The following LDB2 variants were observed in gnomAD, a reference collection of about 807,000 sequenced individuals.
LDB2 encodes the protein LIM domain binding 2, also known as LIM domain-binding protein 2.
In LDB2, 12 loss-of-function variants were observed where a neutral mutation model predicts 44.3. The ratio of observed to expected loss-of-function variants is 0.27; its 90% CI spans 0.17 to 0.44. The LOEUF (loss-of-function observed/expected upper bound fraction) is 0.44. Among genes scored for constraint, LDB2 ranks in the 20% least tolerant of loss-of-function variants. The probability of loss-of-function intolerance (pLI) is 1.00; values close to 1 mark genes in which losing one functional copy is unlikely to be tolerated. For synonymous variants in LDB2, 164 were observed against 174.8 expected (o/e 0.94, Z 0.49); for missense variants, 344 against 473.5 (o/e 0.73, Z 2.54).
chr4:16,521,243 C>A (rs186589514), intron 5 of LDB2, among the ~76,000 whole-genome samples: 1 of 152,114 alleles, frequency 6.6e-6, no homozygotes, highest in Non-Finnish European at 1.5e-5. Context: ...TAGGCAGGGC[C>A]GAGCTCCCTC....
At chr4:16,678,159 A>G (rs904007128) in intron 2 of LDB2, among the ~76,000 whole-genome samples, 2 of 152,210 alleles carry the variant, frequency 1.3e-5, no homozygotes, top group African/African-American at 4.8e-5. Flanking sequence ...CCTAAAAAGG[A>G]ATGGCAGTGG....
intron 2 of LDB2, among the ~76,000 whole-genome samples, chr4:16,683,469 A>G (rs1375142144): frequency 6.6e-6 from 1 of 152,220 alleles, no homozygotes; most frequent in Non-Finnish European, 1.5e-5. Context: ...ACCATTTATA[A>G]AACTTATCTG....
chr4:16,726,991 T>G (rs1339165554), intron 2 of LDB2, among the ~76,000 whole-genome samples: 1 of 152,270 alleles, frequency 6.6e-6, no homozygotes, highest in South Asian at 2.1e-4. Context: ...TTAACATGGG[T>G]CGGTTTGCTT....
At chr4:16,891,391 C>T (rs1321028094) in intron 1 of LDB2, among the ~76,000 whole-genome samples, 3 of 145,280 alleles carry the variant, frequency 2.1e-5, no homozygotes. Context: ...CGGCTCACTG[C>T]AGCCTCCGTC....
At chr4:16,800,587 A>G (rs748791326) in intron 1 of LDB2, among the ~76,000 whole-genome samples, 1 of 152,252 alleles carries the variant, frequency 6.6e-6, no homozygotes, top group Non-Finnish European at 1.5e-5. Context: ...GTCAAAGATG[A>G]AGACTGTGCC....
intron 5 of LDB2, among the ~76,000 whole-genome samples, chr4:16,559,663 A>G (rs1025869778): frequency 1.4e-4 from 21 of 152,168 alleles, no homozygotes; most frequent in African/African-American, 4.8e-4. Flanking sequence ...TCAACGAGAC[A>G]GAAAGTCAAC....
At chr4:16,787,994 G>A (rs1233439376) in intron 1 of LDB2, among the ~76,000 whole-genome samples, 3 of 152,092 alleles carry the variant, frequency 2.0e-5, no homozygotes, top group African/African-American at 2.4e-5. Context: ...CTTCCTATAG[G>A]AATAAATGAA....
chr4:16,631,232 G>A (rs920450904), intron 2 of LDB2, among the ~76,000 whole-genome samples: 8 of 152,106 alleles, frequency 5.3e-5, no homozygotes, highest in Non-Finnish European at 4.4e-5. Context: ...ACAACAAACT[G>A]TCTCTCAGAC....
rs551859710 is a variant in LDB2, at chr4:16,734,280, A to G, written c.235+24878T>C. Among the ~76,000 whole-genome samples the G allele has an allele frequency of 7.2e-5, 11 of 152,342 alleles. No individual in the cohort carries two copies. The South Asian group carries it at 2.3e-3, about 32-fold the overall frequency. On this transcript the variant is annotated intron_variant, in intron 2 of 7. Transcript: ENST00000304523. ...GTTTGAAAACCCACTCACTGGGGTA[A>G]TGCATCCAACAACTATGTATTTAAT...
intron 2 of LDB2, among the ~76,000 whole-genome samples, chr4:16,596,090 T>G (rs892636156): frequency 5.3e-5 from 8 of 152,098 alleles, no homozygotes; most frequent in African/African-American, 1.9e-4. Context: ...CGTCCAGTCA[T>G]CTCTCTAGAT....
intron 1 of LDB2, among the ~76,000 whole-genome samples, chr4:16,889,903 T>C (rs1722863003): frequency 6.6e-6 from 1 of 152,196 alleles, no homozygotes; most frequent in Non-Finnish European, 1.5e-5. Flanking sequence ...GAAGAGAACA[T>C]TTAAGTTGCT....
intron 2 of LDB2, among the ~76,000 whole-genome samples, chr4:16,626,315 C>G (rs1730272225): frequency 6.6e-6 from 1 of 152,172 alleles, no homozygotes; most frequent in Admixed American, 6.5e-5. Context: ...TTACCTTTAT[C>G]ACCAATTGAA....
At chr4:16,884,840 A>G (rs1721170707) in intron 1 of LDB2, among the ~76,000 whole-genome samples, 1 of 152,160 alleles carries the variant, frequency 6.6e-6, no homozygotes, top group Admixed American at 6.5e-5. Flanking sequence ...TGAGAACCCA[A>G]ACACATAGAT....
At chr4:16,651,252 G>C (rs1421307063) in intron 2 of LDB2, 1 of 152,190 alleles carries the variant, frequency 6.6e-6, no homozygotes, top group East Asian at 1.9e-4. Context: ...AAGGAGGCTA[G>C]TGTTAGAAGC....
chr4:16,810,477 G>A (rs890535445), intron 1 of LDB2, among the ~76,000 whole-genome samples: 3 of 152,136 alleles, frequency 2.0e-5, no homozygotes, highest in Non-Finnish European at 4.4e-5. Flanking sequence ...GGGAAGATAA[G>A]GGTAGTTGTG....
At chr4:16,782,581 A>T (rs1000896408) in intron 1 of LDB2, among the ~76,000 whole-genome samples, 1 of 152,028 alleles carries the variant, frequency 6.6e-6, no homozygotes, top group African/African-American at 2.4e-5. Flanking sequence ...CAATCTCCTG[A>T]CCTTGTGATC....
chr4:16,587,017 G>A (rs1202937740), intron 4 of LDB2, among the ~76,000 whole-genome samples: 1 of 152,212 alleles, frequency 6.6e-6, no homozygotes, highest in African/African-American at 2.4e-5. Context: ...GAGCATGTCA[G>A]TTTCATGTCA....
intron 1 of LDB2, among the ~76,000 whole-genome samples, chr4:16,852,856 T>C (rs1045422226): frequency 6.6e-6 from 1 of 152,180 alleles, no homozygotes; most frequent in African/African-American, 2.4e-5. Flanking sequence ...TACTGTACCC[T>C]GGATCTCATA....
rs564206212 is a variant in LDB2, at chr4:16,869,909, C to T, written c.132+28445G>A. ...AATGTGGTGATCCAAAAACAACACT[C>T]AGGATGTTCCTTGAGCCTGTTTTCC... On this transcript the variant is annotated intron_variant, in intron 1 of 7. Transcript: ENST00000304523. Among the ~76,000 whole-genome samples the T allele has an allele frequency of 1.7e-4, 26 of 152,318 alleles. No individual in the cohort carries two copies. The South Asian group carries it at 5.0e-3, about 29-fold the overall frequency.
Sources: gnomAD v4.1 joint callset for allele counts (sites outside exome capture counted in the v4.1 genomes callset) on GRCh38, gnomAD v4.1.1 for gene constraint, MANE v1.5 for transcripts, NCBI Gene and HGNC (gene_info 2026-07-23, HGNC 2026-07-21) for gene names.